The following GGA3 variants were observed in gnomAD, a reference collection of about 807,000 sequenced individuals.
The protein encoded by GGA3 is golgi associated, gamma adaptin ear containing, ARF binding protein 3.
A neutral mutation model predicts 77.5 loss-of-function variants in GGA3; 57 were observed. The ratio of observed to expected loss-of-function variants is 0.74; its 90% CI spans 0.59 to 0.92. The LOEUF is 0.92. Ranked by LOEUF, GGA3 falls within the 40% of genes least tolerant of loss-of-function variation. GGA3 has a pLI of 0.00. For synonymous variants in GGA3, 416 were observed against 383.7 expected (o/e 1.08, Z -0.98); for missense variants, 970 against 914.9 (o/e 1.06, Z -0.78).
chr17:75,260,364 A>G (rs10512603), intron 1 of GGA3, among the ~76,000 whole-genome samples: 17,334 of 152,194 alleles, frequency 0.11, 2,805 homozygotes, highest in African/African-American at 0.35. Context: ...GCTTTGCTAG[A>G]ATACTTGGTA....
intron 3 of GGA3, 39 bp from the exon 4 acceptor site, chr17:75,244,756 G>T: frequency 7.4e-7 from 1 of 1,348,204 alleles, no homozygotes; most frequent in Non-Finnish European, 1.1e-6. Context: ...GTGAGGGCGT[G>T]CTCGGGGCTG....
At chr17:75,259,007 G>A (rs987870541) in intron 1 of GGA3, among the ~76,000 whole-genome samples, 1 of 148,278 alleles carries the variant, frequency 6.7e-6, no homozygotes, top group African/African-American at 2.5e-5. Flanking sequence ...AGGCTGGAGT[G>A]CAGTGGCACA....
rs143034707 is a variant in GGA3 at position 75,243,109 on chromosome 17, G to A, written c.482C>T (p.Pro161Leu). The A allele has an allele frequency of 2.5e-6, 4 of 1,613,500 alleles. No homozygotes were observed. Among genetic ancestry groups the A allele is most frequent in the Middle Eastern group, 1.7e-4 (1 of 6,060 alleles). Residue 161 changes from proline to leucine, a missense_variant, in exon 6 of 17, where the codon CCA (proline) becomes CTA (leucine). Pro to Leu is a moderately conservative substitution (Grantham distance 98, BLOSUM62 -3). Transcript: ENST00000537686. The part of the protein sequence containing the change: ...PVDRTLIPSP[P>L]PRPKNPVFDD... Reference sequence around the variant, plus strand: ...AAAAACAGGGTTTTTGGGACGAGGTGGTGGAGAGGGGATCAGCGTCCTATC... The same window carrying A: ...AAAAACAGGGTTTTTGGGACGAGGTAGTGGAGAGGGGATCAGCGTCCTATC...
At chr17:75,255,056 C>T (rs959916686) in intron 1 of GGA3, among the ~76,000 whole-genome samples, 1 of 152,174 alleles carries the variant, frequency 6.6e-6, no homozygotes, top group African/African-American at 2.4e-5. Flanking sequence ...TGACGCTGCC[C>T]GATCGCCTCG....
Position 75,239,781 on chromosome 17 carries a change from C to T in GGA3, c.1583+8G>A. 4 of 1,613,336 alleles carry T rather than the reference C, an allele frequency of 2.5e-6. No individual in the cohort carries two copies. Among genetic ancestry groups the T allele is most frequent in the Non-Finnish European group, 3.4e-6 (4 of 1,179,824 alleles). On this transcript the variant is annotated splice_region_variant and intron_variant, in intron 13 of 16. Coordinates refer to ENST00000537686, the MANE Select transcript of GGA3 (RefSeq NM_138619.4). ...CTCAGCAACCCCACATCTCCTCCCA[C>T]TCATTACACTTTGGCCTCTTCTAGA...
chr17:75,252,098 G>A (rs1313599629), intron 1 of GGA3, among the ~76,000 whole-genome samples: 1 of 148,754 alleles, frequency 6.7e-6, no homozygotes, highest in Non-Finnish European at 1.5e-5. Context: ...TTTGTTGTTT[G>A]AGACGGGGTC....
In GGA3 at chr17:75,240,817, C is replaced by G. The variant is rs2076524884; in HGVS notation, c.1187G>C (p.Cys396Ser). 2 of 1,610,664 alleles carry G rather than the reference C, an allele frequency of 1.2e-6. No individual in the cohort carries two copies. The highest frequency in any genetic ancestry group is 1.7e-6 in the Non-Finnish European group (2 of 1,179,262). ...ACGCCCCCTGTGGGCCGCACCCAAG[C>G]AGAGTAGCTCCTCGTCCAGCCAGGA... ...ALSWLDEELL[C>S]LGLADPAPNV... Residue 396 changes from cysteine (C) to serine (S), a missense_variant, in exon 11 of 17, where the codon TGC (cysteine) becomes TCC (serine). Transcript: ENST00000537686.
chr17:75,245,569 G>C (rs376310678), intron 3 of GGA3, among the ~76,000 whole-genome samples: 10 of 152,060 alleles, frequency 6.6e-5, no homozygotes, highest in South Asian at 4.1e-4. Flanking sequence ...ATGTTGGTCA[G>C]GCTAGAGTGC....
intron 11 of GGA3, 135 bp from the exon 12 acceptor site, chr17:75,240,547 G>T: frequency 1.5e-6 from 1 of 682,700 alleles, no homozygotes; most frequent in Non-Finnish European, 2.5e-6. Flanking sequence ...TCTGCAGGCA[G>T]CCTCCAGAGG....
intron 6 of GGA3, 48 bp downstream of exon 6, chr17:75,243,015 G>A (rs1416322994): frequency 6.6e-7 from 1 of 1,513,734 alleles, no homozygotes; most frequent in Non-Finnish European, 9.2e-7. Context: ...TTCCCCTGCT[G>A]CCACCCACTC....
intron 1 of GGA3, among the ~76,000 whole-genome samples, chr17:75,258,711 T>G (rs1032221668): frequency 2.0e-5 from 3 of 152,122 alleles, no homozygotes; most frequent in Admixed American, 6.5e-5. Flanking sequence ...GGCTGGAAAT[T>G]GGAGACTTGG....
intron 1 of GGA3, among the ~76,000 whole-genome samples, chr17:75,250,762 CA>C (rs5822078): frequency 0.68 from 53,568 of 78,772 alleles, 19,163 homozygotes; most frequent in South Asian, 0.83. Flanking sequence ...ACTCCATCTC[CA>C]AAAAAAAAAA....
At chr17:75,243,272 C>T (rs2076637863) in intron 5 of GGA3, 106 bp from the exon 6 acceptor site, 2 of 1,127,168 alleles carry the variant, frequency 1.8e-6, no homozygotes, top group Non-Finnish European at 2.6e-6. Flanking sequence ...CAAAGGGTAG[C>T]AGGGTGGAGG....
At position 75,238,376 on chromosome 17, in the gene GGA3, A is replaced by AG. The variant is rs2076394478; in HGVS notation, c.2074dup (p.Leu692ProfsTer4). The stretch of plus-strand genomic sequence containing the variant: ...CAGGGCGAAGGTCAGCTTATACCGA[A>AG]GCCGCACCTTCTCCTGTGACAGAGG... On this transcript the variant is annotated frameshift_variant, in exon 17 of 17. Coordinates refer to ENST00000537686, the MANE Select transcript of GGA3 (RefSeq NM_138619.4). LOFTEE classifies it high-confidence loss of function. The AG allele has an allele frequency of 5.6e-6, 9 of 1,613,558 alleles. No homozygotes were observed. The highest frequency in any genetic ancestry group is 7.6e-6 in the Non-Finnish European group (9 of 1,179,906).
At chr17:75,240,710 C>T in intron 11 of GGA3, 102 bp downstream of exon 11, 1 of 1,319,238 alleles carries the variant, frequency 7.6e-7, no homozygotes, top group Admixed American at 2.6e-5. Flanking sequence ...TTTGCCCACC[C>T]CAACAGTCAC....
In GGA3 at chr17:75,238,013, G is replaced by C; in HGVS notation, c.*266C>G. On this transcript the variant is annotated 3_prime_UTR_variant, in exon 17 of 17. Coordinates refer to ENST00000537686, the MANE Select transcript of GGA3 (RefSeq NM_138619.4). ...CCTGGGGGTCCATGTTCCCGGGACA[G>C]CAGTGAAGTCAGGGGCCACTCCGCA... 1 of 1,263,062 alleles carries C rather than the reference G, an allele frequency of 7.9e-7. No homozygotes were observed. The highest frequency in any genetic ancestry group is 3.4e-5 in the East Asian group (1 of 29,134). 78.2% of individuals were successfully genotyped at this position (1,263,062 alleles called of 1,614,324 possible). A position where few individuals can be genotyped will look rare whatever the true frequency, so the allele number is the denominator to read the frequency against.
intron 10 of GGA3, 79 bp from the exon 11 acceptor site, chr17:75,241,136 A>G: frequency 6.7e-7 from 1 of 1,492,218 alleles, no homozygotes; most frequent in Middle Eastern, 1.7e-4. Context: ...CACCCTAGGC[A>G]CAGAGGTCAC....
At chr17:75,262,183 G>A (rs1007115713), upstream of GGA3, 17 of 694,294 alleles carry the variant, frequency 2.4e-5, no homozygotes, top group Non-Finnish European at 3.8e-5. Flanking sequence ...CTGATCTAGG[G>A]TTCTAACGCG....
chr17:75,261,370 A>C (rs1482151140), intron 1 of GGA3, among the ~76,000 whole-genome samples, 178 bp downstream of exon 1: 1 of 152,214 alleles, frequency 6.6e-6, no homozygotes, highest in East Asian at 1.9e-4. Flanking sequence ...CGGGGGCCGG[A>C]CTGGGGCCCG....
Sources: gnomAD v4.1 joint callset for allele counts (sites outside exome capture counted in the v4.1 genomes callset) on GRCh38, gnomAD v4.1.1 for gene constraint, MANE v1.5 for transcripts, NCBI Gene and HGNC (gene_info 2026-07-23, HGNC 2026-07-21) for gene names.